The following SEPHS1 variants were observed in gnomAD, a reference collection of about 807,000 sequenced individuals.
SEPHS1 encodes zincore component SEPHS1.
In SEPHS1, 7 loss-of-function variants were observed where a neutral mutation model predicts 39.2. That is an observed-to-expected ratio of 0.18 (90% confidence interval 0.10 to 0.34). The LOEUF (loss-of-function observed/expected upper bound fraction) is 0.34, where lower values mean the gene tolerates loss of function less well. Among genes scored for constraint, SEPHS1 ranks in the 10% least tolerant of loss-of-function variants. The pLI is 1.00. For missense variants in SEPHS1, 253 were observed against 514.5 expected, an observed-to-expected ratio of 0.49 and a Z score of 4.92; for synonymous variants, 190 against 195.5, an observed-to-expected ratio of 0.97 and a Z score of 0.23.
intron 5 of SEPHS1, among the ~76,000 whole-genome samples, chr10:13,330,188 A>C (rs1352205555): frequency 6.6e-6 from 1 of 152,244 alleles, no homozygotes; most frequent in Non-Finnish European, 1.5e-5. Context: ...CCCCTCGACC[A>C]CATACGAGTG....
At chr10:13,321,162 C>A (rs990203916) in intron 8 of SEPHS1, among the ~76,000 whole-genome samples, 1 of 152,264 alleles carries the variant, frequency 6.6e-6, no homozygotes, top group South Asian at 2.1e-4. Flanking sequence ...TACGGAATCT[C>A]CCAGGCAGCC....
chr10:13,328,723 G>A (rs1026962560), intron 6 of SEPHS1, among the ~76,000 whole-genome samples: 4 of 152,094 alleles, frequency 2.6e-5, no homozygotes, highest in African/African-American at 4.8e-5. Context: ...GACACACGGC[G>A]GCACTGCTGT....
intron 6 of SEPHS1, among the ~76,000 whole-genome samples, chr10:13,329,468 C>G (rs71479820): frequency 0.12 from 17,884 of 152,220 alleles, 1,329 homozygotes; most frequent in Middle Eastern, 0.25. Context: ...AAATTCTTTA[C>G]AGAAAAATCT....
In SEPHS1 at chr10:13,344,360, A is replaced by G. The variant is rs956683372; in HGVS notation, c.193+398T>C. On this transcript the variant is annotated intron_variant, in intron 2 of 8. Coordinates refer to ENST00000327347, the MANE Select transcript of SEPHS1 (RefSeq NM_012247.5). ...CAATTAAATTGAAAATAAAAATTAA[A>G]AAGTTTTTACTGTAATAACAATCTC... Among the ~76,000 whole-genome samples, 4 of 152,220 alleles carry G rather than the reference A, an allele frequency of 2.6e-5. No homozygotes were observed. The East Asian group carries it at 5.8e-4, about 22-fold the overall frequency.
chr10:13,328,483 G>A, intron 6 of SEPHS1, 33 bp from the exon 7 acceptor site: 2 of 1,445,054 alleles, frequency 1.4e-6, no homozygotes, highest in Non-Finnish European at 1.9e-6. Context: ...GGGAGAGAAA[G>A]AGAGGAAAAT....
chr10:13,341,509 A>G (rs1230087918), intron 2 of SEPHS1, among the ~76,000 whole-genome samples: 3 of 151,904 alleles, frequency 2.0e-5, no homozygotes, highest in Non-Finnish European at 4.4e-5. Flanking sequence ...CCAGGCAACA[A>G]ATGTCTCTGG....
At chr10:13,322,462 T>C (rs1284221026) in intron 8 of SEPHS1, among the ~76,000 whole-genome samples, 1 of 152,174 alleles carries the variant, frequency 6.6e-6, no homozygotes, top group South Asian at 2.1e-4. Context: ...CTCTCTATCA[T>C]TCTTAAAACA....
chr10:13,319,368 A>G lies in SEPHS1; in HGVS notation c.965-12T>C. 6.2e-7 allele frequency: 1 copy of G among 1,612,318 alleles called. No homozygotes were observed. The highest frequency in any genetic ancestry group is 8.5e-7 in the Non-Finnish European group (1 of 1,179,478). ...GATCAGAAGGCCGCCTGGCAAAAGA[A>G]AACAAGAATGACTGTTAGTGTTGAC... On this transcript the variant is annotated splice_polypyrimidine_tract_variant and intron_variant, in intron 8 of 8. Coordinates refer to ENST00000327347, the MANE Select transcript of SEPHS1 (RefSeq NM_012247.5).
At chr10:13,325,049 T>G (rs551081829) in intron 7 of SEPHS1, among the ~76,000 whole-genome samples, 2 of 152,190 alleles carry the variant, frequency 1.3e-5, no homozygotes, top group African/African-American at 2.4e-5. Flanking sequence ...TTTGTATATT[T>G]TGGATACCTG....
rs1486290033 is a variant in SEPHS1 at position 13,348,218 on chromosome 10, G to A, written c.-297C>T. On this transcript the variant is annotated 5_prime_UTR_variant, in exon 1 of 9. Transcript: ENST00000327347. Reference sequence around the variant, plus strand: ...GAGCCGGGCCGCCGCGCTCCCGCCGGCTGGGCGCGCGGGGGTCCTTTAAGG... The same window carrying A: ...GAGCCGGGCCGCCGCGCTCCCGCCGACTGGGCGCGCGGGGGTCCTTTAAGG... The A allele has an allele frequency of 2.1e-5, 3 of 146,318 alleles. No individual in the cohort carries two copies. Among genetic ancestry groups the A allele is most frequent in the Non-Finnish European group, 3.0e-5 (2 of 66,134 alleles). 9.1% of individuals were successfully genotyped at this position (146,318 alleles called of 1,614,324 possible).
chr10:13,345,647 C>G (rs1310260311), intron 1 of SEPHS1, among the ~76,000 whole-genome samples: 1 of 152,186 alleles, frequency 6.6e-6, no homozygotes. Context: ...CTTTGGGAGG[C>G]CAACGCGGGT....
chr10:13,344,162 G>T (rs1365704063), intron 2 of SEPHS1, among the ~76,000 whole-genome samples: 1 of 152,104 alleles, frequency 6.6e-6, no homozygotes, highest in Admixed American at 6.5e-5. Context: ...ACCCTGCAGA[G>T]AACCCCAATG....
rs1227388340 is a variant in SEPHS1 at position 13,317,701 on chromosome 10, A to T, written c.*1441T>A. The T allele has an allele frequency of 6.6e-6, 1 of 152,198 alleles. No homozygotes were observed. Among genetic ancestry groups the T allele is most frequent in the Non-Finnish European group, 1.5e-5 (1 of 68,050 alleles). The allele number at this position is 152,198 out of a possible 1,614,324, so 9.4% of individuals were successfully genotyped here. A position where few individuals can be genotyped will look rare whatever the true frequency, so the allele number is the denominator to read the frequency against. On this transcript the variant is annotated 3_prime_UTR_variant, in exon 9 of 9. Transcript: ENST00000327347. The stretch of plus-strand genomic sequence containing the variant: ...CCAGGGGTCATTTCCTTTGGCAAGA[A>T]GTCAGTTTACATGTGCAGCTTTGGT...
chr10:13,347,018 G>A (rs1447356417), intron 1 of SEPHS1, among the ~76,000 whole-genome samples: 3 of 152,256 alleles, frequency 2.0e-5, no homozygotes, highest in East Asian at 1.9e-4. Flanking sequence ...AGGGGGAGGG[G>A]GTTCTGGGGG....
chr10:13,343,483 C>T (rs1206866033), intron 2 of SEPHS1, among the ~76,000 whole-genome samples: 1 of 152,086 alleles, frequency 6.6e-6, no homozygotes, highest in Non-Finnish European at 1.5e-5. Flanking sequence ...GGCTCATAAC[C>T]AATGAACCTT....
rs1276013269 is a variant in SEPHS1 at position 13,318,523 on chromosome 10, C to A, written c.*619G>T. On this transcript the variant is annotated 3_prime_UTR_variant, in exon 9 of 9. Coordinates refer to ENST00000327347, the MANE Select transcript of SEPHS1 (RefSeq NM_012247.5). ...GGCTACAAAAAAAGAAATAAGATTT[C>A]TTTTTTGTCTTCAAAGTGTTTTCCA... The A allele has an allele frequency of 2.6e-5, 4 of 152,524 alleles. No individual in the cohort carries two copies. Among genetic ancestry groups the A allele is most frequent in the Non-Finnish European group, 5.9e-5 (4 of 68,040 alleles). The allele number at this position is 152,524 out of a possible 1,614,324, so 9.4% of individuals were successfully genotyped here. A position where few individuals can be genotyped will look rare whatever the true frequency, so the allele number is the denominator to read the frequency against.
Position 13,328,453 on chromosome 10 carries a change from G to C in SEPHS1, c.652-3C>G, listed in dbSNP as rs780097350. On this transcript the variant is annotated splice_region_variant and splice_polypyrimidine_tract_variant and intron_variant, in intron 6 of 8. Coordinates refer to ENST00000327347, the MANE Select transcript of SEPHS1 (RefSeq NM_012247.5). The stretch of plus-strand genomic sequence containing the variant: ...TTAATCTTATTCCATTTCTCAGGCT[G>C]ATAATAGAAATGTAGGTGAGGGAGA... 5 of 1,593,706 alleles carry C rather than the reference G, an allele frequency of 3.1e-6. No individual in the cohort carries two copies. In the South Asian group the frequency reaches 4.4e-5, roughly 14 times the overall value.
chr10:13,331,178 G>A (rs966096109), intron 5 of SEPHS1, among the ~76,000 whole-genome samples: 28 of 152,052 alleles, frequency 1.8e-4, no homozygotes, highest in African/African-American at 2.7e-4. Context: ...CCTTTTTTAC[G>A]GCTGCGTAGT....
At chr10:13,331,373 T>C (rs997595756) in intron 5 of SEPHS1, among the ~76,000 whole-genome samples, 1 of 149,172 alleles carries the variant, frequency 6.7e-6, no homozygotes, top group Non-Finnish European at 1.5e-5. Flanking sequence ...CTGGGTCAAA[T>C]GGTATTTCTA....
Sources: gnomAD v4.1 joint callset for allele counts (sites outside exome capture counted in the v4.1 genomes callset) on GRCh38, gnomAD v4.1.1 for gene constraint, MANE v1.5 for transcripts, NCBI Gene and HGNC (gene_info 2026-07-23, HGNC 2026-07-21) for gene names.